Variants in UNC13B observed in about 807,000 individuals in gnomAD.
UNC13B encodes the protein unc-13 homolog B.
A neutral mutation model predicts 211.0 loss-of-function variants in UNC13B; 144 were observed. The observed-to-expected ratio is 0.68, with a 90% CI of 0.60 to 0.78. UNC13B has a LOEUF of 0.78. Among genes scored for constraint, UNC13B ranks in the 30% least tolerant of loss-of-function variants. UNC13B has a pLI of 0.00. For missense variants in UNC13B, 1,777 were observed against 2,002.0 expected (o/e 0.89, Z 2.14); for synonymous variants, 709 against 725.8 (o/e 0.98, Z 0.37).
chr9:35,353,926 C>A, intron 11 of UNC13B: 1 of 576,362 alleles, frequency 1.7e-6, no homozygotes, highest in Non-Finnish European at 2.6e-6. Context: ...ACGTCCATAG[C>A]TTGAATCAGG....
chr9:35,183,207 CGGTCG>C (rs1446773781), intron 1 of UNC13B, among the ~76,000 whole-genome samples: 6 of 141,110 alleles, frequency 4.3e-5, no homozygotes, highest in Non-Finnish European at 7.7e-5. Context: ...AGACGATGGG[CGGTCG>C]GGCAGAGGCG....
intron 11 of UNC13B, among the ~76,000 whole-genome samples, chr9:35,334,617 A>C (rs1587643146): frequency 6.6e-6 from 1 of 152,330 alleles, no homozygotes; most frequent in East Asian, 1.9e-4. Context: ...TTTTCCTTGC[A>C]TACTTACAGG....
At chr9:35,167,573 A>G (rs1221954241) in intron 1 of UNC13B, among the ~76,000 whole-genome samples, 2 of 150,128 alleles carry the variant, frequency 1.3e-5, no homozygotes, top group Non-Finnish European at 3.0e-5. Flanking sequence ...TGCTACAATG[A>G]ACATCTTTGT....
At chr9:35,357,228 T>A (rs1256041653) in intron 11 of UNC13B, among the ~76,000 whole-genome samples, 2 of 152,186 alleles carry the variant, frequency 1.3e-5, no homozygotes, top group Non-Finnish European at 2.9e-5. Flanking sequence ...TTTCTCTACA[T>A]CCTTGGCAAC....
At position 35,381,571 on chromosome 9, in the gene UNC13B, C is replaced by G; in HGVS notation, c.10507C>G (p.Leu3503Val). ...TCTCCTGCAGAATCTTTTCCATTAC[C>G]TCACAGACATTCAGGGCAGTGGAGG... Reference protein sequence around the residue: ...TCLHENLFHYLTDIQGSGGVR... With the variant: ...TCLHENLFHYVTDIQGSGGVR... Residue 3503 changes from leucine (L) to valine (V), a missense_variant, in exon 20 of 40, where the codon CTC becomes GTC. Leu to Val is a conservative substitution (Grantham distance 32, BLOSUM62 1). Transcript: ENST00000635942. 1 of 1,613,802 alleles carries G rather than the reference C, an allele frequency of 6.2e-7. No individual in the cohort carries two copies. Among genetic ancestry groups the G allele is most frequent in the Non-Finnish European group, 8.5e-7 (1 of 1,179,764 alleles).
At chr9:35,352,787 AC>A in intron 11 of UNC13B, 3 of 1,232,072 alleles carry the variant, frequency 2.4e-6, no homozygotes, top group Non-Finnish European at 3.0e-6. Context: ...TTCTCTGTCT[AC>A]CCCCCATCAG....
intron 1 of UNC13B, among the ~76,000 whole-genome samples, chr9:35,165,139 CACGATAGTACATGAAGACTGTTT>C (rs1464895478): frequency 6.6e-6 from 1 of 152,184 alleles, no homozygotes; most frequent in African/African-American, 2.4e-5. Flanking sequence ...GGAAGAGGAT[CACGATAGTACATGAAGACTGTTT>C]AAAAAACTGT....
intron 6 of UNC13B, among the ~76,000 whole-genome samples, chr9:35,248,550 G>A (rs1443903517): frequency 2.0e-5 from 3 of 151,948 alleles, no homozygotes; most frequent in South Asian, 4.2e-4. Context: ...ATTCTGGTTC[G>A]TTGTGTCTTT....
intron 1 of UNC13B, among the ~76,000 whole-genome samples, chr9:35,180,944 A>AG (rs56129549): frequency 6.6e-6 from 1 of 150,772 alleles, no homozygotes; most frequent in East Asian, 2.0e-4. Flanking sequence ...AAAAAAAAAA[A>AG]TGCTGGATCT....
At chr9:35,270,587 G>GT (rs969104528) in intron 7 of UNC13B, among the ~76,000 whole-genome samples, 15 of 151,402 alleles carry the variant, frequency 9.9e-5, no homozygotes, top group African/African-American at 3.4e-4. Context: ...ATTCTTGAAA[G>GT]TTTTTTTTTA....
In UNC13B at chr9:35,170,053, A is replaced by G. The variant is rs900190227; in HGVS notation, c.22+7748A>G. On this transcript the variant is annotated intron_variant, in intron 1 of 39. Coordinates refer to ENST00000635942, the MANE Select transcript of UNC13B (RefSeq NM_001371189.2). ...ATATAAACTCAAATAATCCATTAGG[A>G]TTATTAGGTCTGATTTGGAATAAGC... is the stretch of plus-strand genomic sequence containing the variant. Among the ~76,000 whole-genome samples the G allele has an allele frequency of 2.8e-4, 42 of 152,236 alleles. 1 individual carries two copies. Among genetic ancestry groups the G allele is most frequent in the Admixed American group, 2.4e-3 (37 of 15,286 alleles).
In UNC13B at chr9:35,398,551, C is replaced by A. The variant is rs1157511040; in HGVS notation, c.11833-3C>A. ...TAGCCAGGCTTACCTCCTGTGAATA[C>A]AGCTGGACCTTGAAGCTGCAGACAG... On this transcript the variant is annotated splice_polypyrimidine_tract_variant and splice_region_variant and intron_variant, in intron 31 of 39. Coordinates refer to ENST00000635942, the MANE Select transcript of UNC13B (RefSeq NM_001371189.2). The A allele has an allele frequency of 5.0e-6, 8 of 1,613,696 alleles. No individual in the cohort carries two copies. Among genetic ancestry groups the A allele is most frequent in the Non-Finnish European group, 6.8e-6 (8 of 1,179,950 alleles).
chr9:35,196,304 G>A (rs990732861), intron 1 of UNC13B, among the ~76,000 whole-genome samples: 1 of 152,170 alleles, frequency 6.6e-6, no homozygotes, highest in Non-Finnish European at 1.5e-5. Flanking sequence ...CACAATGTTT[G>A]GAAATTGTTC....
chr9:35,311,555 T>TA (rs1210673293), intron 10 of UNC13B, among the ~76,000 whole-genome samples: 1 of 152,168 alleles, frequency 6.6e-6, no homozygotes, highest in Non-Finnish European at 1.5e-5. Context: ...TGTGTTGAAG[T>TA]ACTCAGAACA....
At chr9:35,371,603 T>C (rs1330518088) in intron 13 of UNC13B, among the ~76,000 whole-genome samples, 2 of 152,228 alleles carry the variant, frequency 1.3e-5, no homozygotes, top group African/African-American at 4.8e-5. Context: ...TCCTCTTTTT[T>C]TTCTTCCTCT....
chr9:35,239,610 G>A (rs1182391397), intron 5 of UNC13B, among the ~76,000 whole-genome samples: 1 of 152,142 alleles, frequency 6.6e-6, no homozygotes, highest in Non-Finnish European at 1.5e-5. Context: ...TATTAGGCAG[G>A]AATTTCCTTG....
intron 11 of UNC13B, among the ~76,000 whole-genome samples, chr9:35,317,689 ATT>A (rs543036863): frequency 1.9e-4 from 24 of 125,514 alleles, no homozygotes; most frequent in Admixed American, 4.1e-4. Flanking sequence ...TGCCTGGCTA[ATT>A]TTTTTTTTTT....
Position 35,300,168 on chromosome 9 carries a change from A to G in UNC13B, c.764A>G (p.Tyr255Cys), listed in dbSNP as rs913924148. ...GTTGAAACTTCTGTTTTCTCCAGGT[A>G]TGCTCAGAAATATGATACACTAGAT... is the stretch of plus-strand genomic sequence containing the variant. ...LDYPERRAIRYAQKYDTLDRR... is the reference protein window; with the variant it reads ...LDYPERRAIRCAQKYDTLDRR... The change falls in exon 9 of 40, where the codon TAT (tyrosine) becomes TGT (cysteine). Residue 255 changes from tyrosine (Y) to cysteine (C), a missense_variant and splice_region_variant. Physicochemically the swap from Tyr to Cys is radical, Grantham distance 194. Coordinates refer to ENST00000635942, the MANE Select transcript of UNC13B (RefSeq NM_001371189.2). 3 of 398,742 alleles carry G rather than the reference A, an allele frequency of 7.5e-6. No homozygotes were observed. The highest frequency in any genetic ancestry group is 4.1e-5 in the African/African-American group (2 of 48,650). The allele number at this position is 398,742 out of a possible 1,614,324, so 24.7% of individuals were successfully genotyped here.
intron 7 of UNC13B, among the ~76,000 whole-genome samples, chr9:35,290,745 G>A (rs943328133): frequency 6.6e-6 from 1 of 151,856 alleles, no homozygotes; most frequent in Non-Finnish European, 1.5e-5. Context: ...CTAAATGATG[G>A]TGTTCTGAGA....
Sources: gnomAD v4.1 joint callset for allele counts (sites outside exome capture counted in the v4.1 genomes callset) on GRCh38, gnomAD v4.1.1 for gene constraint, MANE v1.5 for transcripts, NCBI Gene and HGNC (gene_info 2026-07-23, HGNC 2026-07-21) for gene names.